Variants in SAMSN1 observed in about 807,000 individuals in gnomAD.
SAMSN1 encodes the protein SAM domain, SH3 domain and nuclear localization signals 1.
SAMSN1 carries 31 observed loss-of-function variants against 42.0 expected under a neutral mutation model. That is an observed-to-expected ratio of 0.74 (90% confidence interval 0.55 to 1.00). SAMSN1 has a LOEUF of 1.00. SAMSN1 is among the 50% of genes least tolerant of loss of function. The pLI is 0.00. For synonymous variants in SAMSN1, 178 were observed against 151.9 expected (o/e 1.17, Z -1.26); for missense variants, 464 against 439.4 (o/e 1.06, Z -0.50).
At chr21:14,617,844 C>T (rs761276573) in intron 2 of SAMSN1, among the ~76,000 whole-genome samples, 6 of 152,268 alleles carry the variant, frequency 3.9e-5, no homozygotes, top group African/African-American at 9.6e-5. Flanking sequence ...TATATGCAAT[C>T]GAGCAAGAGA....
At chr21:14,560,748 C>A (rs1395086678) in intron 2 of SAMSN1, among the ~76,000 whole-genome samples, 1 of 152,174 alleles carries the variant, frequency 6.6e-6, no homozygotes, top group Non-Finnish European at 1.5e-5. Context: ...GTGTCCCTCT[C>A]TTGCTTCACA....
At chr21:14,502,686 A>G (rs1018905619) in intron 5 of SAMSN1, among the ~76,000 whole-genome samples, 4 of 152,098 alleles carry the variant, frequency 2.6e-5, no homozygotes, top group Non-Finnish European at 2.9e-5. Flanking sequence ...GCTCTCTCCC[A>G]CAATGGTTAC....
chr21:14,565,502 TG>T (rs904039519), intron 2 of SAMSN1, among the ~76,000 whole-genome samples: 4 of 152,200 alleles, frequency 2.6e-5, no homozygotes, highest in African/African-American at 9.6e-5. Context: ...ATTGCCTTGC[TG>T]GTTTTGTGAT....
intron 2 of SAMSN1, among the ~76,000 whole-genome samples, chr21:14,518,076 T>C (rs1987994700): frequency 6.6e-6 from 1 of 152,230 alleles, no homozygotes; most frequent in South Asian, 2.1e-4. Flanking sequence ...AGTTTCTCTA[T>C]CAGGTTCTCA....
chr21:14,498,295 T>C, intron 7 of SAMSN1, 147 bp downstream of exon 7: 1 of 662,274 alleles, frequency 1.5e-6, no homozygotes, highest in Non-Finnish European at 2.5e-6. Context: ...GAGTTATTGT[T>C]TTCAAACTTA....
upstream of SAMSN1, chr21:14,583,759 A>C (rs1322961799): frequency 1.4e-6 from 1 of 717,808 alleles, no homozygotes; most frequent in Non-Finnish European, 2.6e-6. Flanking sequence ...CCACAGGGTC[A>C]CTGCCTGATT....
At chr21:14,564,048 C>T (rs1174515844) in intron 2 of SAMSN1, among the ~76,000 whole-genome samples, 1 of 152,138 alleles carries the variant, frequency 6.6e-6, no homozygotes, top group Non-Finnish European at 1.5e-5. Context: ...CGAGTTCCTA[C>T]TATATGTCTA....
At chr21:14,539,702 A>G (rs1218341559) in intron 1 of SAMSN1, among the ~76,000 whole-genome samples, 3 of 152,170 alleles carry the variant, frequency 2.0e-5, no homozygotes, top group Non-Finnish European at 4.4e-5. Context: ...CAATATCGTG[A>G]AAATGGCCAC....
At chr21:14,533,819 G>A (rs1353544396) in intron 1 of SAMSN1, among the ~76,000 whole-genome samples, 1 of 152,232 alleles carries the variant, frequency 6.6e-6, no homozygotes, top group Admixed American at 6.5e-5. Flanking sequence ...CTTGATTCAT[G>A]TGGTGGTCAA....
At chr21:14,656,146 G>A (rs2123402853) in intron 1 of SAMSN1, among the ~76,000 whole-genome samples, 1 of 151,858 alleles carries the variant, frequency 6.6e-6, no homozygotes, top group East Asian at 1.9e-4. Context: ...TAAAAATGGT[G>A]TAAAATTCAA....
chr21:14,540,931 C>T (rs1979978001), intron 1 of SAMSN1, among the ~76,000 whole-genome samples: 2 of 152,180 alleles, frequency 1.3e-5, no homozygotes, highest in Non-Finnish European at 2.9e-5. Flanking sequence ...GGCACATACA[C>T]CATGGAATAC....
chr21:14,504,309 G>A (rs953883384), intron 5 of SAMSN1, among the ~76,000 whole-genome samples: 1 of 152,140 alleles, frequency 6.6e-6, no homozygotes, highest in African/African-American at 2.4e-5. Context: ...AACTAACCAG[G>A]AGGCACCAGA....
At chr21:14,641,355 A>G (rs1216936959) in intron 2 of SAMSN1, among the ~76,000 whole-genome samples, 2 of 152,150 alleles carry the variant, frequency 1.3e-5, no homozygotes, top group African/African-American at 4.8e-5. Flanking sequence ...CAAAAAACCA[A>G]AACTTTGAAA....
chr21:14,622,068 C>A (rs1983027084), intron 2 of SAMSN1, among the ~76,000 whole-genome samples: 1 of 152,254 alleles, frequency 6.6e-6, no homozygotes, highest in Non-Finnish European at 1.5e-5. Flanking sequence ...AGGGTCCTGA[C>A]TGCTAGAAGG....
chr21:14,656,177 C>T (rs1983912798), intron 1 of SAMSN1, among the ~76,000 whole-genome samples: 1 of 151,718 alleles, frequency 6.6e-6, no homozygotes, highest in Non-Finnish European at 1.5e-5. Flanking sequence ...GTCAAAATCC[C>T]ATCAAAGGTA....
chr21:14,641,741 T>C (rs562151825), intron 2 of SAMSN1, among the ~76,000 whole-genome samples: 1 of 152,304 alleles, frequency 6.6e-6, no homozygotes, highest in Non-Finnish European at 1.5e-5. Flanking sequence ...AGACATAGGC[T>C]GGTTTATATT....
In SAMSN1 at chr21:14,507,656, A is replaced by G. The variant is rs114914738; in HGVS notation, c.561+2654T>C. Among the ~76,000 whole-genome samples, 1,332 of 152,322 alleles carry G rather than the reference A, an allele frequency of 8.7e-3. 25 individuals carry two copies. Among genetic ancestry groups the G allele is most frequent in the African/African-American group, 0.03 (1,258 of 41,560 alleles). ...AATCTACAAATTCAACAGATTTCCCATCAAAATACCACCATCGTTCTTCAC... is the reference window on the plus strand; with the variant it reads ...AATCTACAAATTCAACAGATTTCCCGTCAAAATACCACCATCGTTCTTCAC... On this transcript the variant is annotated intron_variant, in intron 5 of 7. Coordinates refer to ENST00000400566, the MANE Select transcript of SAMSN1 (RefSeq NM_022136.5).
At chr21:14,489,791 G>T (rs575266099) in intron 7 of SAMSN1, among the ~76,000 whole-genome samples, 1 of 152,076 alleles carries the variant, frequency 6.6e-6, no homozygotes, top group Non-Finnish European at 1.5e-5. Flanking sequence ...TAAAGCCCAT[G>T]TAAAAACATT....
At chr21:14,579,279 G>A (rs1173750126) in intron 2 of SAMSN1, among the ~76,000 whole-genome samples, 3 of 152,122 alleles carry the variant, frequency 2.0e-5, no homozygotes, top group Non-Finnish European at 4.4e-5. Flanking sequence ...CTGAAATTCT[G>A]AGCATTCTGT....
Sources: allele counts gnomAD v4.1 joint callset (sites outside exome capture counted in the v4.1 genomes callset), GRCh38; gene constraint gnomAD v4.1.1; transcripts MANE v1.5; gene names NCBI Gene and HGNC (gene_info 2026-07-23, HGNC 2026-07-21).